The following PELP1 variants were observed in gnomAD, a reference collection of about 807,000 sequenced individuals.
The protein encoded by PELP1 is proline, glutamate and leucine rich protein 1, also known as proline-, glutamic acid- and leucine-rich protein 1.
A neutral mutation model predicts 95.5 loss-of-function variants in PELP1; 32 were observed. That is an observed-to-expected ratio of 0.34 (90% CI 0.25 to 0.45). The LOEUF (loss-of-function observed/expected upper bound fraction) is 0.45, where lower values mean the gene tolerates loss of function less well. Among genes scored for constraint, PELP1 ranks in the 20% least tolerant of loss-of-function variants. The pLI, the probability that PELP1 is intolerant of heterozygous loss-of-function variation, is 1.00. For missense variants in PELP1, 1,358 were observed against 1,444.8 expected (o/e 0.94, Z 0.97); for synonymous variants, 668 against 600.1 (o/e 1.11, Z -1.65).
At chr17:4,683,173 A>G in intron 3 of PELP1, 1 of 902,604 alleles carries the variant, frequency 1.1e-6, no homozygotes, top group Non-Finnish European at 1.5e-6. Flanking sequence ...GGGGGAAAAA[A>G]AGAGTAACAA....
chr17:4,681,656 T>C (rs528012131), intron 5 of PELP1, among the ~76,000 whole-genome samples: 40 of 151,882 alleles, frequency 2.6e-4, no homozygotes, highest in Admixed American at 1.4e-3. Flanking sequence ...AAAAATTAGC[T>C]GGGCGTAGTG....
chr17:4,677,334 G>A (rs2150555286), intron 5 of PELP1, among the ~76,000 whole-genome samples: 1 of 152,296 alleles, frequency 6.6e-6, no homozygotes, highest in East Asian at 1.9e-4. Flanking sequence ...GCTAGGGCAG[G>A]AGTGTTTAAC....
In PELP1 at chr17:4,675,869, A is replaced by G. The variant is rs1343945455; in HGVS notation, c.996T>C (p.Ala332=). ...TTTCCTGCACAGGGACGGACACGGG[A>G]GCTCCAAACTCAGAGCTAAAGAGAA... The part of the protein sequence containing the change: ...LGLMLSSEFG[A]PVSVPVQEIL... Residue 332 remains alanine, a synonymous_variant, in exon 9 of 17, where the codon GCT becomes GCC. Coordinates refer to ENST00000572293, the MANE Select transcript of PELP1 (RefSeq NM_014389.3). The surrounding 1 kb of genome is among the most constrained non-coding windows in gnomAD (Gnocchi z 4.3). The G allele has an allele frequency of 2.5e-6, 4 of 1,592,162 alleles. No individual in the cohort carries two copies. The highest frequency in any genetic ancestry group is 3.4e-6 in the Non-Finnish European group (4 of 1,169,386).
chr17:4,698,812 T>G (rs1022688237), intron 1 of PELP1, among the ~76,000 whole-genome samples: 21 of 152,116 alleles, frequency 1.4e-4, no homozygotes, highest in Non-Finnish European at 1.8e-4. Flanking sequence ...GTTAAATAAT[T>G]TATTGTACCA....
chr17:4,683,379 C>G (rs530677752), intron 3 of PELP1, among the ~76,000 whole-genome samples: 1 of 151,684 alleles, frequency 6.6e-6, no homozygotes, highest in Non-Finnish European at 1.5e-5. Flanking sequence ...CGCCACCACG[C>G]CTGACTAATT....
At chr17:4,683,431 A>C (rs528752054) in intron 3 of PELP1, among the ~76,000 whole-genome samples, 1 of 151,168 alleles carries the variant, frequency 6.6e-6, no homozygotes, top group Non-Finnish European at 1.5e-5. Context: ...TATGTTAGCC[A>C]GGATGGTCTC....
At chr17:4,678,603 A>G (rs6502808) in intron 5 of PELP1, among the ~76,000 whole-genome samples, 145,810 of 152,302 alleles carry the variant, frequency 0.96, 70,122 homozygotes, top group East Asian at 1. Context: ...AAACCAAAGC[A>G]ATGACTCGCT....
At chr17:4,686,217 C>T (rs1478701685) in intron 3 of PELP1, among the ~76,000 whole-genome samples, 2 of 152,158 alleles carry the variant, frequency 1.3e-5, no homozygotes, top group Admixed American at 6.5e-5. Flanking sequence ...ACTGAATGCT[C>T]AAGGCCACAG....
chr17:4,686,156 G>A (rs1227044375), intron 3 of PELP1, among the ~76,000 whole-genome samples: 1 of 152,064 alleles, frequency 6.6e-6, no homozygotes, highest in Non-Finnish European at 1.5e-5. Flanking sequence ...TGAGATGCCC[G>A]GCCACTTCCA....
At position 4,673,879 on chromosome 17, in the gene PELP1, TA is replaced by T. The variant is rs1171986099; in HGVS notation, c.1583-206del. On this transcript the variant is annotated intron_variant, in intron 13 of 16. Coordinates refer to ENST00000572293, the MANE Select transcript of PELP1 (RefSeq NM_014389.3). This position sits in a 1 kb window ranked among gnomAD's most constrained non-coding sequence, Gnocchi z 5.7. ...CGGTATTTAATTGAGACAATGTAAG[TA>T]AAAAATTATAAATTTTATAATTTTG... The T allele has an allele frequency of 1.5e-5, 8 of 551,254 alleles. No individual in the cohort carries two copies. Among genetic ancestry groups the T allele is most frequent in the Non-Finnish European group, 2.6e-5 (8 of 308,170 alleles). The allele number at this position is 551,254 out of a possible 1,614,324, so 34.1% of individuals were successfully genotyped here.
chr17:4,704,102 C>A lies in PELP1; in HGVS notation c.10G>T (p.Ala4Ser). Residue 4 changes from alanine (A) to serine (S), a missense_variant, in exon 1 of 17, where the codon GCC becomes TCC. By Grantham distance (99) the Ala-to-Ser change is moderately conservative. Transcript: ENST00000572293. ...CCCGCAGAGGGCCCACTCAGAACGG[C>A]TGCCGCCATCTTCCCCCGGGTTCCA... The part of the protein sequence containing the change: MAA[A>S]VLSGPSAGSA... 1 of 1,606,876 alleles carries A rather than the reference C, an allele frequency of 6.2e-7. No individual in the cohort carries two copies. The highest frequency in any genetic ancestry group is 2.2e-5 in the East Asian group (1 of 44,800).
chr17:4,696,691 G>C (rs933520172), intron 1 of PELP1: 1 of 152,188 alleles, frequency 6.6e-6, no homozygotes, highest in Non-Finnish European at 1.5e-5. Context: ...TAATATTCCA[G>C]ACAAATGATG....
chr17:4,698,594 A>C (rs1913393425), intron 1 of PELP1, among the ~76,000 whole-genome samples: 1 of 150,178 alleles, frequency 6.7e-6, no homozygotes, highest in Admixed American at 6.7e-5. Flanking sequence ...GTGAGCCAAG[A>C]TCATGCCACG....
rs1444760976 is a variant in PELP1 at position 4,675,095 on chromosome 17, G to C, written c.1258C>G (p.Gln420Glu). Residue 420 changes from glutamine (Q) to glutamate (E), a missense_variant, in exon 11 of 17, where the codon CAG becomes GAG. Physicochemically the swap from Gln to Glu is conservative, Grantham distance 29. Around this residue, in one of 7 missense-constraint regions of PELP1, gnomAD observed 538 missense variants for 628.1 expected, o/e 0.86. Transcript: ENST00000572293. This position sits in a 1 kb window ranked among gnomAD's most constrained non-coding sequence, Gnocchi z 4.3. ...GATGGTCACCTGTAAGGCCTCTCCT[G>C]GCCTGGAGAGAGGGAATCTCTACCG... ...SIGRDSLSPGQERPYSTVRTK... is the reference protein window; with the variant it reads ...SIGRDSLSPGEERPYSTVRTK... 6.2e-7 allele frequency: 1 copy of C among 1,613,644 alleles called. No individual in the cohort carries two copies. The highest frequency in any genetic ancestry group is 8.5e-7 in the Non-Finnish European group (1 of 1,179,772).
In PELP1 at chr17:4,672,002, G is replaced by C. The variant is rs1241422708; in HGVS notation, c.2989C>G (p.Pro997Ala). ...PPPESPPKVQ[P>A]EPEPEPGLLL... is the part of the protein sequence containing the mutation. ...AGCCCGGGTTCAGGTTCGGGTTCTG[G>C]CTGCACCTTTGGGGGAGACTCAGGG... The change falls in exon 16 of 17, where the codon CCA (proline) becomes GCA (alanine). Residue 997 changes from proline (P) to alanine (A), a missense_variant. Physicochemically the swap from Pro to Ala is conservative, Grantham distance 27. Coordinates refer to ENST00000572293, the MANE Select transcript of PELP1 (RefSeq NM_014389.3). 6.4e-7 allele frequency: 1 copy of C among 1,563,514 alleles called. No individual in the cohort carries two copies. Among genetic ancestry groups the C allele is most frequent in the Admixed American group, 1.9e-5 (1 of 52,538 alleles).
chr17:4,692,458 C>T (rs899137893), intron 1 of PELP1, among the ~76,000 whole-genome samples: 24 of 99,066 alleles, frequency 2.4e-4, no homozygotes, highest in Non-Finnish European at 4.3e-4. Flanking sequence ...CAGAGCGAGA[C>T]TCTGTCTCAA....
intron 5 of PELP1, among the ~76,000 whole-genome samples, chr17:4,677,983 A>G (rs1912553123): frequency 6.6e-6 from 1 of 152,016 alleles, no homozygotes; most frequent in South Asian, 2.1e-4. Context: ...TGGGAGGCTG[A>G]GGTGAGCAGA....
In PELP1 at chr17:4,676,311, A is replaced by C. The variant is rs747019572; in HGVS notation, c.853+46T>G. 5 of 1,596,076 alleles carry C rather than the reference A, an allele frequency of 3.1e-6. No individual in the cohort carries two copies. The East Asian group carries it at 1.1e-4, about 36-fold the overall frequency. ...GGCTCCCCTCCTGTTCCTTCCTGCC[A>C]CGCTTCCTCACTATTGTTCCACTAA... On this transcript the variant is annotated intron_variant, in intron 7 of 16. Transcript: ENST00000572293.
chr17:4,702,027 T>C (rs1225652768), intron 1 of PELP1, among the ~76,000 whole-genome samples: 1 of 152,226 alleles, frequency 6.6e-6, no homozygotes, highest in Non-Finnish European at 1.5e-5. Context: ...GTTCATGTAG[T>C]TGACTTTGAG....
Sources: gnomAD v4.1 joint callset for allele counts (sites outside exome capture counted in the v4.1 genomes callset) on GRCh38, gnomAD v4.1.1 for gene constraint, gnomAD v4.1.1 regional missense constraint, Gnocchi (gnomAD v3.1) non-coding constraint, MANE v1.5 for transcripts, NCBI Gene and HGNC (gene_info 2026-07-23, HGNC 2026-07-21) for gene names.